The following AQR variants were observed in gnomAD, a reference collection of about 807,000 sequenced individuals.
The protein encoded by AQR is RNA helicase aquarius.
Under a neutral mutation model 180.5 loss-of-function variants are expected in AQR, and 61 were observed. The observed-to-expected ratio is 0.34, with a 90% CI of 0.28 to 0.42. AQR has a LOEUF of 0.42. Among genes scored for constraint, AQR ranks in the 10% least tolerant of loss-of-function variants. The pLI is 1.00. For missense variants in AQR, 1,281 were observed against 1,798.3 expected, an observed-to-expected ratio of 0.71 and a Z score of 5.20; for synonymous variants, 551 against 588.8, an observed-to-expected ratio of 0.94 and a Z score of 0.93.
intron 3 of AQR, among the ~76,000 whole-genome samples, chr15:34,959,114 C>T (rs1215659612): frequency 1.3e-5 from 2 of 152,278 alleles, no homozygotes; most frequent in East Asian, 3.9e-4. Context: ...TTCTGTTGTA[C>T]TGTTAGCATC....
chr15:34,908,031 A>G (rs1038076370), intron 17 of AQR, among the ~76,000 whole-genome samples: 3 of 152,224 alleles, frequency 2.0e-5, no homozygotes, highest in African/African-American at 7.2e-5. Flanking sequence ...CATTTCATGA[A>G]TTCTGTTTCC....
chr15:34,924,673 C>T (rs541980551), intron 13 of AQR, among the ~76,000 whole-genome samples: 18 of 152,166 alleles, frequency 1.2e-4, no homozygotes, highest in African/African-American at 3.6e-4. Flanking sequence ...TCAGGTGATC[C>T]GCCCACCTCA....
intron 15 of AQR, among the ~76,000 whole-genome samples, chr15:34,917,572 C>T (rs761820564): frequency 3.3e-5 from 5 of 151,966 alleles, no homozygotes; most frequent in Non-Finnish European, 7.4e-5. Context: ...ACCTGCTTTA[C>T]ATAGAATTCA....
At chr15:34,937,987 G>C (rs1407909760) in intron 9 of AQR, among the ~76,000 whole-genome samples, 1 of 151,350 alleles carries the variant, frequency 6.6e-6, no homozygotes, top group African/African-American at 2.4e-5. Context: ...ATGGAGCTAT[G>C]ATGGAGGAAA....
At chr15:34,961,594 T>C (rs1457095769) in intron 2 of AQR, among the ~76,000 whole-genome samples, 2 of 118,166 alleles carry the variant, frequency 1.7e-5, no homozygotes, top group African/African-American at 3.5e-5. Flanking sequence ...AGCCTGGTGA[T>C]AGAGCGAGAC....
At chr15:34,892,278 C>T (rs1476667757) in intron 23 of AQR, among the ~76,000 whole-genome samples, 1 of 152,148 alleles carries the variant, frequency 6.6e-6, no homozygotes, top group East Asian at 1.9e-4. Flanking sequence ...TCATGTAATA[C>T]AGGTGTACAT....
At chr15:34,872,300 A>G (rs1474205808) in intron 30 of AQR, among the ~76,000 whole-genome samples, 1 of 152,206 alleles carries the variant, frequency 6.6e-6, no homozygotes, top group Non-Finnish European at 1.5e-5. Context: ...TTAAATGCAT[A>G]GTATTCTTAT....
At chr15:34,950,928 G>A (rs1894221186) in intron 4 of AQR, among the ~76,000 whole-genome samples, 1 of 152,000 alleles carries the variant, frequency 6.6e-6, no homozygotes, top group African/African-American at 2.4e-5. Context: ...CTTATCTTGG[G>A]TGTTATCTGA....
At position 34,900,845 on chromosome 15, in the gene AQR, G is replaced by A. The variant is rs371432757; in HGVS notation, c.2020C>T (p.Arg674Trp). The part of the protein sequence containing the change: ...NNFKAVLETI[R>W]NLMNTDCVVP... ...ACACAATCAGTATTCATCAGGTTCC[G>A]AATAGTCTCCAGCACAGCCTGTCAG... is the stretch of plus-strand genomic sequence containing the variant. The change falls in exon 20 of 35, where the codon CGG becomes TGG. Residue 674 changes from arginine (R) to tryptophan (W), a missense_variant. Coordinates refer to ENST00000156471, the MANE Select transcript of AQR (RefSeq NM_014691.3). The A allele has an allele frequency of 4.4e-6, 7 of 1,607,236 alleles. No homozygotes were observed. Among genetic ancestry groups the A allele is most frequent in the Non-Finnish European group, 6.0e-6 (7 of 1,175,244 alleles).
intron 16 of AQR, among the ~76,000 whole-genome samples, chr15:34,913,240 C>T (rs1290378307): frequency 1.3e-5 from 2 of 152,150 alleles, no homozygotes; most frequent in African/African-American, 4.8e-5. Flanking sequence ...CTCCTCTTAC[C>T]CCTTTCTCTT....
intron 1 of AQR, among the ~76,000 whole-genome samples, chr15:34,967,549 T>C (rs936206581): frequency 1.3e-5 from 2 of 151,866 alleles, no homozygotes; most frequent in Admixed American, 1.3e-4. Context: ...CTCTCTAAAG[T>C]AGTGTAGAAG....
intron 3 of AQR, among the ~76,000 whole-genome samples, chr15:34,956,514 T>C (rs945011774): frequency 6.6e-6 from 1 of 151,894 alleles, no homozygotes; most frequent in African/African-American, 2.4e-5. Flanking sequence ...TAGCAAGGCA[T>C]GGTGGCACAT....
Position 34,906,732 on chromosome 15 carries a change from T to G in AQR, c.1664-20A>C. The G allele has an allele frequency of 6.3e-7, 1 of 1,593,914 alleles. No homozygotes were observed. Among genetic ancestry groups the G allele is most frequent in the Admixed American group, 1.8e-5 (1 of 56,420 alleles). ...GAAGACCTGGTAAGATATAAAGACA[T>G]TTTCATTTATTAGAATTTCATTGTT... On this transcript the variant is annotated intron_variant, in intron 17 of 34. Transcript: ENST00000156471.
At chr15:34,858,405 A>G (rs1892622448) in intron 34 of AQR, among the ~76,000 whole-genome samples, 1 of 152,098 alleles carries the variant, frequency 6.6e-6, no homozygotes, top group South Asian at 2.1e-4. Context: ...TTGTATGTTG[A>G]AAACTACAAA....
intron 24 of AQR, among the ~76,000 whole-genome samples, chr15:34,888,703 AC>A (rs1451630941): frequency 6.6e-6 from 1 of 152,210 alleles, no homozygotes; most frequent in Non-Finnish European, 1.5e-5. Context: ...TCTCAAAAAA[AC>A]AAAAAAAGCA....
At position 34,882,650 on chromosome 15, in the gene AQR, G is replaced by A. The variant is rs754379148; in HGVS notation, c.3028-11C>T. 15 of 1,591,368 alleles carry A rather than the reference G, an allele frequency of 9.4e-6. No individual in the cohort carries two copies. Among genetic ancestry groups the A allele is most frequent in the African/African-American group, 6.8e-5 (5 of 74,020 alleles). On this transcript the variant is annotated splice_polypyrimidine_tract_variant and intron_variant, in intron 26 of 34. Coordinates refer to ENST00000156471, the MANE Select transcript of AQR (RefSeq NM_014691.3). Reference sequence around the variant, plus strand: ...AGAGGCTCTGAATTCCTATGGAAACGAGGAGCAATGAAAGATAATTTTAGG... The same window carrying A: ...AGAGGCTCTGAATTCCTATGGAAACAAGGAGCAATGAAAGATAATTTTAGG...
At chr15:34,897,526 C>A in intron 21 of AQR, 33 bp downstream of exon 21, 1 of 1,607,506 alleles carries the variant, frequency 6.2e-7, no homozygotes, top group South Asian at 1.1e-5. Context: ...AACTATTGTT[C>A]ATCATTACAA....
Position 34,870,877 on chromosome 15 carries a change from A to C in AQR, c.3643T>G (p.Cys1215Gly), listed in dbSNP as rs774760289. Residue 1215 changes from cysteine (C) to glycine (G), a missense_variant, in exon 31 of 35, where the codon TGT (cysteine) becomes GGT (glycine). By Grantham distance (159) the Cys-to-Gly change is radical. Transcript: ENST00000156471. ...EYVVALFMYM[C>G]LLGYPADKIS... ...TTGTCAGCAGGGTAACCAAGTAAAC[A>C]CATGTACATAAAAAGTGCTACTACA... 1 of 1,613,348 alleles carries C rather than the reference A, an allele frequency of 6.2e-7. No individual in the cohort carries two copies. Among genetic ancestry groups the C allele is most frequent in the South Asian group, 1.1e-5 (1 of 91,032 alleles).
chr15:34,915,209 ATTT>A (rs370486508), intron 15 of AQR, 30 bp from the exon 16 acceptor site: 158 of 1,294,140 alleles, frequency 1.2e-4, no homozygotes, highest in East Asian at 2.8e-4. Flanking sequence ...CCATATTTCA[ATTT>A]TTTTTTTTTT....
Sources: allele counts gnomAD v4.1 joint callset (sites outside exome capture counted in the v4.1 genomes callset), GRCh38; gene constraint gnomAD v4.1.1; transcripts MANE v1.5; gene names NCBI Gene and HGNC (gene_info 2026-07-23, HGNC 2026-07-21).